The following PTGER3 variants were observed in gnomAD, a reference collection of about 807,000 sequenced individuals.
PTGER3 encodes prostaglandin E receptor 3.
PTGER3 carries 22 observed loss-of-function variants against 34.7 expected under a neutral mutation model. That is an observed-to-expected ratio of 0.63 (90% CI 0.45 to 0.91). The LOEUF is 0.91. Ranked by LOEUF, PTGER3 falls within the 40% of genes least tolerant of loss-of-function variation. The probability of loss-of-function intolerance (pLI) is 0.00; values close to 1 mark genes in which losing one functional copy is unlikely to be tolerated. For missense variants in PTGER3, 468 were observed against 519.4 expected, an observed-to-expected ratio of 0.90 and a Z score of 0.96; for synonymous variants, 241 against 230.1, an observed-to-expected ratio of 1.05 and a Z score of -0.43.
chr1:70,999,273 T>C (rs1318550519), intron 2 of PTGER3, among the ~76,000 whole-genome samples: 4 of 152,180 alleles, frequency 2.6e-5, no homozygotes, highest in African/African-American at 7.2e-5. Flanking sequence ...AATAATAGAA[T>C]TAGAGTTTGG....
At chr1:70,925,130 G>A (rs765119855) in intron 4 of PTGER3, among the ~76,000 whole-genome samples, 13 of 152,096 alleles carry the variant, frequency 8.5e-5, no homozygotes, top group Admixed American at 4.6e-4. Context: ...TCAGCCTCCC[G>A]AGTAACTGGG....
chr1:71,041,374 T>C (rs1397085331), intron 1 of PTGER3, among the ~76,000 whole-genome samples: 2 of 152,208 alleles, frequency 1.3e-5, no homozygotes, highest in East Asian at 1.9e-4. Context: ...AAGAGTATCA[T>C]ACTGCATATC....
At chr1:70,949,219 G>A (rs1339946487), downstream of PTGER3, among the ~76,000 whole-genome samples, 1 of 152,168 alleles carries the variant, frequency 6.6e-6, no homozygotes, top group Non-Finnish European at 1.5e-5. Flanking sequence ...CCTCCCTTAA[G>A]AAGTTTAGTA....
intron 4 of PTGER3, among the ~76,000 whole-genome samples, chr1:70,882,271 C>T (rs1572539131): frequency 6.6e-6 from 1 of 152,170 alleles, no homozygotes; most frequent in Non-Finnish European, 1.5e-5. Context: ...CTCAGGACAA[C>T]AGAATGCTGC....
chr1:70,924,959 G>C (rs1020017257), intron 4 of PTGER3, among the ~76,000 whole-genome samples: 1 of 152,128 alleles, frequency 6.6e-6, no homozygotes, highest in South Asian at 2.1e-4. Context: ...TCAGTTATCT[G>C]TCTGTTTTAA....
intron 4 of PTGER3, among the ~76,000 whole-genome samples, chr1:70,921,878 TTTGA>T (rs893729350): frequency 3.3e-5 from 5 of 152,168 alleles, no homozygotes; most frequent in African/African-American, 7.2e-5. Flanking sequence ...ATGAAAGAGC[TTTGA>T]TTGATTGGCT....
chr1:70,946,049 A>C (rs1351741599), intron 4 of PTGER3, among the ~76,000 whole-genome samples: 1 of 152,104 alleles, frequency 6.6e-6, no homozygotes, highest in Non-Finnish European at 1.5e-5. Context: ...ACGGTAGCCA[A>C]TATAGGATGA....
chr1:70,954,324 T>C (rs1232200100), intron 2 of PTGER3, among the ~76,000 whole-genome samples: 1 of 152,154 alleles, frequency 6.6e-6, no homozygotes, highest in Non-Finnish European at 1.5e-5. Context: ...TGGACCAGTC[T>C]TTATAAAAGA....
chr1:70,960,183 C>A (rs1380102546), intron 2 of PTGER3, among the ~76,000 whole-genome samples: 3 of 152,140 alleles, frequency 2.0e-5, no homozygotes, highest in African/African-American at 4.8e-5. Context: ...GGACTTCCAG[C>A]CTCCAGAACT....
chr1:70,989,472 T>C lies in PTGER3; in HGVS notation c.1078-15084A>G, dbSNP rs567590857. Among the ~76,000 whole-genome samples the C allele has an allele frequency of 2.0e-5, 3 of 152,288 alleles. No individual in the cohort carries two copies. In the East Asian group the frequency reaches 5.8e-4, roughly 29 times the overall value. ...ACTTATTTTCTCTACCTTCTCACTT[T>C]CATGGTTCTGCAGGATAATTTTATT... is the stretch of plus-strand genomic sequence containing the variant. On this transcript the variant is annotated intron_variant, in intron 2 of 3. Transcript: ENST00000306666.
At chr1:70,999,006 C>A (rs965667875) in intron 2 of PTGER3, among the ~76,000 whole-genome samples, 2 of 152,016 alleles carry the variant, frequency 1.3e-5, no homozygotes, top group Non-Finnish European at 2.9e-5. Context: ...ACGGTGAAAC[C>A]CCTTCTCTAC....
chr1:70,874,773 T>C (rs781512796), intron 4 of PTGER3, among the ~76,000 whole-genome samples: 6 of 152,208 alleles, frequency 3.9e-5, no homozygotes, highest in Non-Finnish European at 7.3e-5. Flanking sequence ...CCAGGAGAAA[T>C]TGAACACACT....
chr1:70,988,600 G>A (rs1044232258), intron 2 of PTGER3, among the ~76,000 whole-genome samples: 11 of 152,152 alleles, frequency 7.2e-5, no homozygotes, highest in Non-Finnish European at 1.3e-4. Flanking sequence ...TGGATTATGA[G>A]GATGTAAACT....
Position 70,860,366 on chromosome 1 carries a change from G to T in PTGER3, c.*24-7507C>A, listed in dbSNP as rs117740938. Among the ~76,000 whole-genome samples the T allele has an allele frequency of 0.022, 3,301 of 152,182 alleles. 151 individuals are homozygous for T. The East Asian group carries it at 0.22, about 10-fold the overall frequency. On this transcript the variant is annotated intron_variant, in intron 4 of 4. Coordinates refer to the PTGER3 transcript ENST00000370931. Reference sequence around the variant, plus strand: ...TGATTCCCCATCGGGGCTACTGTCTGTGTGGAGTTTGCACATTGTTCTGTC... The same window carrying T: ...TGATTCCCCATCGGGGCTACTGTCTTTGTGGAGTTTGCACATTGTTCTGTC...
At chr1:70,989,611 G>A (rs910883560) in intron 2 of PTGER3, among the ~76,000 whole-genome samples, 1 of 152,160 alleles carries the variant, frequency 6.6e-6, no homozygotes, top group Non-Finnish European at 1.5e-5. Context: ...GAAACTAGCT[G>A]AGAAGCACTT....
chr1:70,908,254 A>AT lies in PTGER3; in HGVS notation c.*23+45508dup, dbSNP rs1018204700. ...TATCATGACAATAAGCATCTGAATGATTTTTTGGTCAATTTTTCTGCTCTT... is the reference window on the plus strand; with the variant it reads ...TATCATGACAATAAGCATCTGAATGATTTTTTTGGTCAATTTTTCTGCTCTT... On this transcript the variant is annotated intron_variant, in intron 4 of 4. Transcript: ENST00000370931. Among the ~76,000 whole-genome samples the AT allele has an allele frequency of 5.9e-5, 9 of 152,152 alleles. No individual in the cohort carries two copies. The South Asian group carries it at 1.2e-3, about 21-fold the overall frequency.
chr1:70,868,502 G>T (rs1433889069), intron 4 of PTGER3, among the ~76,000 whole-genome samples: 1 of 152,116 alleles, frequency 6.6e-6, no homozygotes, highest in Admixed American at 6.5e-5. Flanking sequence ...TGTACAAATA[G>T]AACATAGAAA....
chr1:70,873,302 G>A (rs780434531), intron 4 of PTGER3, among the ~76,000 whole-genome samples: 2 of 152,124 alleles, frequency 1.3e-5, no homozygotes, highest in Non-Finnish European at 2.9e-5. Flanking sequence ...GTCCATTGAT[G>A]GAACATAATG....
At chr1:70,916,240 C>T (rs755893327) in intron 4 of PTGER3, among the ~76,000 whole-genome samples, 2 of 151,728 alleles carry the variant, frequency 1.3e-5, no homozygotes, top group Non-Finnish European at 3.0e-5. Context: ...AACAGTTGCT[C>T]CTGAGACTGC....
Sources: allele counts gnomAD v4.1 joint callset (sites outside exome capture counted in the v4.1 genomes callset), GRCh38; gene constraint gnomAD v4.1.1; transcripts MANE v1.5; gene names NCBI Gene and HGNC (gene_info 2026-07-23, HGNC 2026-07-21).